Variants in TENM3 observed in about 807,000 individuals in gnomAD.
TENM3 encodes the protein teneurin transmembrane protein 3.
In TENM3, 63 loss-of-function variants were observed where a neutral mutation model predicts 255.1. The observed-to-expected ratio is 0.25, with a 90% CI of 0.20 to 0.30. The LOEUF is 0.30. Among genes scored for constraint, TENM3 ranks in the 10% least tolerant of loss-of-function variants. TENM3 has a pLI of 1.00. For synonymous variants in TENM3, 1,306 were observed against 1,322.3 expected, an observed-to-expected ratio of 0.99 and a Z score of 0.27; for missense variants, 2,929 against 3,461.1, an observed-to-expected ratio of 0.85 and a Z score of 3.86.
chr4:181,596,892 A>G, the TENM3 span, among the ~76,000 whole-genome samples: 1 of 152,034 alleles, frequency 6.6e-6, no homozygotes, highest in Non-Finnish European at 1.5e-5. Context: ...GAGAACACAC[A>G]GACACTTAGA....
the TENM3 span, among the ~76,000 whole-genome samples, chr4:181,988,400 G>T: frequency 6.6e-6 from 1 of 151,926 alleles, no homozygotes; most frequent in Non-Finnish European, 1.5e-5. Flanking sequence ...GCCCATTTGG[G>T]GCTTTAATTC....
At chr4:181,616,294 AAAAAAAAG>A in the TENM3 span, among the ~76,000 whole-genome samples, 1 of 142,392 alleles carries the variant, frequency 7.0e-6, no homozygotes, top group African/African-American at 2.5e-5. Context: ...AAAAAAAAAA[AAAAAAAAG>A]AACCCATAGA....
chr4:181,682,444 T>C, the TENM3 span, among the ~76,000 whole-genome samples: 1 of 152,194 alleles, frequency 6.6e-6, no homozygotes, highest in Non-Finnish European at 1.5e-5. Flanking sequence ...GACTGACTGA[T>C]TGTTAAAACA....
intron 1 of TENM3, among the ~76,000 whole-genome samples, chr4:182,251,719 C>T (rs1298230088): frequency 6.6e-6 from 1 of 152,160 alleles, no homozygotes; most frequent in Admixed American, 6.5e-5. Context: ...GTTTAAGTTT[C>T]ATGATACATG....
chr4:181,798,592 C>A, the TENM3 span, among the ~76,000 whole-genome samples: 9 of 152,178 alleles, frequency 5.9e-5, no homozygotes, highest in African/African-American at 2.2e-4. Context: ...AAGGTAGATT[C>A]CTTTTCAACA....
intron 1 of TENM3, among the ~76,000 whole-genome samples, chr4:182,312,235 C>T (rs982129289): frequency 5.3e-5 from 8 of 152,088 alleles, no homozygotes; most frequent in Non-Finnish European, 1.0e-4. Flanking sequence ...GTGGCTCACG[C>T]CTGTAGTCCC....
the TENM3 span, among the ~76,000 whole-genome samples, chr4:181,456,395 A>T: frequency 6.6e-6 from 1 of 151,888 alleles, no homozygotes; most frequent in Admixed American, 6.6e-5. Flanking sequence ...CATAACACAG[A>T]TAAGGCAGTT....
the TENM3 span, among the ~76,000 whole-genome samples, chr4:181,577,100 T>A: frequency 2.9e-5 from 2 of 69,754 alleles, no homozygotes; most frequent in African/African-American, 2.0e-4. Flanking sequence ...AATATATATT[T>A]TATTATTATA....
intron 1 of TENM3, among the ~76,000 whole-genome samples, chr4:182,313,349 A>T (rs1196694076): frequency 1.3e-5 from 2 of 151,908 alleles, no homozygotes; most frequent in African/African-American, 4.8e-5. Flanking sequence ...TTTATTCATG[A>T]TAATTCATCC....
intron 1 of TENM3, among the ~76,000 whole-genome samples, chr4:182,210,296 C>T (rs1488398414): frequency 2.6e-5 from 4 of 152,222 alleles, no homozygotes; most frequent in Non-Finnish European, 5.9e-5. Context: ...GAATTCAGCA[C>T]CTCAACATTG....
intron 7 of TENM3, 151 bp from the exon 8 acceptor site, chr4:182,679,515 C>T: frequency 1.6e-6 from 1 of 634,878 alleles, no homozygotes; most frequent in Admixed American, 2.9e-5. Context: ...AAATGCTATG[C>T]ATGGGAGACT....
chr4:181,705,065 CAAAA>C, the TENM3 span, among the ~76,000 whole-genome samples: 2 of 132,704 alleles, frequency 1.5e-5, no homozygotes, highest in African/African-American at 5.7e-5. Flanking sequence ...AAAAAAAAAA[CAAAA>C]AAGGAGAGAC....
chr4:182,656,982 C>G (rs1291499189), intron 6 of TENM3, among the ~76,000 whole-genome samples: 1 of 152,238 alleles, frequency 6.6e-6, no homozygotes, highest in East Asian at 1.9e-4. Context: ...TGGAAATGGA[C>G]AAAGTGAATA....
chr4:182,752,481 T>G (rs544900171), intron 20 of TENM3, among the ~76,000 whole-genome samples: 2 of 151,894 alleles, frequency 1.3e-5, no homozygotes, highest in Non-Finnish European at 2.9e-5. Flanking sequence ...TTTGTTTCTA[T>G]GCCATGGGAA....
the TENM3 span, among the ~76,000 whole-genome samples, chr4:182,069,511 A>G: frequency 6.6e-6 from 1 of 152,116 alleles, no homozygotes; most frequent in Admixed American, 6.6e-5. Flanking sequence ...GGGCCCCTCA[A>G]CTAGAATATG....
chr4:182,451,772 A>G (rs1333632877), intron 3 of TENM3, among the ~76,000 whole-genome samples: 1 of 152,216 alleles, frequency 6.6e-6, no homozygotes, highest in Non-Finnish European at 1.5e-5. Flanking sequence ...TCATTCAATT[A>G]GTGGGGAAAA....
At chr4:182,759,384 G>T (rs560307631) in intron 22 of TENM3, among the ~76,000 whole-genome samples, 6 of 152,188 alleles carry the variant, frequency 3.9e-5, no homozygotes, top group Admixed American at 1.3e-4. Flanking sequence ...ATTTGCCAAC[G>T]CTCCACTGAG....
At chr4:181,463,979 C>A in the TENM3 span, among the ~76,000 whole-genome samples, 1 of 152,082 alleles carries the variant, frequency 6.6e-6, no homozygotes. Context: ...TGTAGCAGTA[C>A]TTTTTACTCC....
At chr4:182,790,004 G>C (rs548044288) in intron 25 of TENM3, among the ~76,000 whole-genome samples, 1 of 152,126 alleles carries the variant, frequency 6.6e-6, no homozygotes, top group African/African-American at 2.4e-5. Flanking sequence ...AGAATTACAC[G>C]TGTGCAAAAT....
Sources: allele counts gnomAD v4.1 joint callset (sites outside exome capture counted in the v4.1 genomes callset), GRCh38; gene constraint gnomAD v4.1.1; transcripts MANE v1.5; gene names NCBI Gene and HGNC (gene_info 2026-07-23, HGNC 2026-07-21).